LILRA1: variants seen among roughly 807,000 people sequenced by gnomAD.
LILRA1 encodes leukocyte immunoglobulin-like receptor subfamily A member 1.
Under a neutral mutation model 51.6 loss-of-function variants are expected in LILRA1, and 51 were observed. That is an observed-to-expected ratio of 0.99 (90% CI 0.79 to 1.25). The LOEUF (loss-of-function observed/expected upper bound fraction) is 1.25. Among genes scored for constraint, LILRA1 ranks in the 50% most tolerant of loss-of-function variants. The pLI is 0.00. For synonymous variants in LILRA1, 305 were observed against 248.4 expected (o/e 1.23, Z -2.14); for missense variants, 660 against 611.7 (o/e 1.08, Z -0.83).
rs1405820465 is a variant in LILRA1 at position 54,601,349 on chromosome 19, G to A, written c.*532G>A. 2.3e-5 allele frequency: 4 copies of A among 175,320 alleles called. No homozygotes were observed. The highest frequency in any genetic ancestry group is 2.4e-5 in the Non-Finnish European group (2 of 81,906). 10.9% of individuals were successfully genotyped at this position (175,320 alleles called of 1,614,324 possible). ...CCCTGACACCCTCTCTGAACCCTAC[G>A]AGCCCTTCCCTCCTTCTCACATGCT... On this transcript the variant is annotated 3_prime_UTR_variant, in exon 10 of 10. Transcript: ENST00000251372.
In LILRA1 at chr19:54,594,697, C is replaced by T. The variant is rs1396541564; in HGVS notation, c.103C>T (p.Pro35Ser). The change falls in exon 4 of 10, where the codon CCA becomes TCA. Residue 35 changes from proline (P) to serine (S), a missense_variant. By Grantham distance (74) the Pro-to-Ser change is moderately conservative. Transcript: ENST00000251372. The stretch of plus-strand genomic sequence containing the variant: ...CCCCAAGCCCACACTCTGGGCTGAG[C>T]CAGGCTCTGTGATCACCCAGGGGAG... Reference protein sequence around the residue: ...TLPKPTLWAEPGSVITQGSPV... With the variant: ...TLPKPTLWAESGSVITQGSPV... 4 of 1,613,470 alleles carry T rather than the reference C, an allele frequency of 2.5e-6. No individual in the cohort carries two copies. The African/African-American group carries it at 4.0e-5, about 16-fold the overall frequency.
intron 3 of LILRA1, 71 bp downstream of exon 3, chr19:54,594,547 G>A (rs2062980628): frequency 1.2e-6 from 2 of 1,613,794 alleles, no homozygotes; most frequent in Non-Finnish European, 8.5e-7. Flanking sequence ...CGTGCAGCTG[G>A]GGATGGGGAA....
At chr19:54,596,603 T>C (rs960222306) in intron 7 of LILRA1, 112 bp downstream of exon 7, 200 of 1,457,590 alleles carry the variant, frequency 1.4e-4, no homozygotes, top group Non-Finnish European at 1.8e-4. Flanking sequence ...CACGGTGGCT[T>C]ACACCTGTAA....
intron 7 of LILRA1, among the ~76,000 whole-genome samples, chr19:54,596,862 A>G (rs1480240395): frequency 6.6e-6 from 1 of 151,750 alleles, no homozygotes; most frequent in Non-Finnish European, 1.5e-5. Context: ...GCGAGACTCC[A>G]TCTCAAAAAA....
chr19:54,595,129 C>A lies in LILRA1; in HGVS notation c.388C>A (p.Leu130Ile), dbSNP rs370524319. 204 of 1,613,950 alleles carry A rather than the reference C, an allele frequency of 1.3e-4. No individual in the cohort carries two copies. The Middle Eastern group carries it at 2.3e-3, about 18-fold the overall frequency. The change falls in exon 5 of 10, where the codon CTA becomes ATA. Residue 130 changes from leucine to isoleucine, a missense_variant. By Grantham distance (5) the Leu-to-Ile change is conservative (BLOSUM62 2). Transcript: ENST00000251372. ...CTACATCAAACCCACCCTCTCAGCT[C>A]TACCCAGCCCTGTGGTGACCTCAGG... is the stretch of plus-strand genomic sequence containing the variant. ...GAYIKPTLSA[L>I]PSPVVTSGGN... is the part of the protein sequence containing the mutation.
Position 54,594,934 on chromosome 19 carries a change from C to A in LILRA1, c.340C>A (p.Leu114Met). 6.2e-7 allele frequency: 1 copy of A among 1,614,054 alleles called. No homozygotes were observed. Among genetic ancestry groups the A allele is most frequent in the Non-Finnish European group, 8.5e-7 (1 of 1,179,946 alleles). The stretch of plus-strand genomic sequence containing the variant: ...AGGCTGGTCAGAGCCCAGTGACCCC[C>A]TGGAGCTGGTGGTGACAGGTGAGCT... ...TAGWSEPSDP[L>M]ELVVTGAYIK... Residue 114 changes from leucine to methionine, a missense_variant, in exon 4 of 10, where the codon CTG becomes ATG. Coordinates refer to ENST00000251372, the MANE Select transcript of LILRA1 (RefSeq NM_006863.4).
chr19:54,595,913 C>G lies in LILRA1; in HGVS notation c.936C>G (p.Asp312Glu). The G allele has an allele frequency of 1.2e-6, 2 of 1,613,068 alleles. No homozygotes were observed. The highest frequency in any genetic ancestry group is 1.7e-6 in the Non-Finnish European group (2 of 1,179,940). Residue 312 changes from aspartate to glutamate, a missense_variant, in exon 6 of 10, where the codon GAC becomes GAG. Physicochemically the swap from Asp to Glu is conservative, Grantham distance 45. Coordinates refer to ENST00000251372, the MANE Select transcript of LILRA1 (RefSeq NM_006863.4). ...NLSSEWSAPS[D>E]PLDILIAGQF... Reference sequence around the variant, plus strand: ...CCTCCGAGTGGTCGGCCCCCAGCGACCCCCTGGACATCCTGATCGCAGGTG... The same window carrying G: ...CCTCCGAGTGGTCGGCCCCCAGCGAGCCCCTGGACATCCTGATCGCAGGTG...
At position 54,596,433 on chromosome 19, in the gene LILRA1, C is replaced by G; in HGVS notation, c.1203C>G (p.Leu401=). The G allele has an allele frequency of 6.2e-7, 1 of 1,614,190 alleles. No individual in the cohort carries two copies. Among genetic ancestry groups the G allele is most frequent in the Non-Finnish European group, 8.5e-7 (1 of 1,180,030 alleles). ...GGACCTACAGGTGCTACGGCTCACT[C>G]AGCTCCAACCCCTACCTGCTGTCTC... ...HSGTYRCYGS[L]SSNPYLLSHP... The change falls in exon 7 of 10, where the codon CTC becomes CTG. Residue 401 remains leucine, a synonymous_variant. Coordinates refer to ENST00000251372, the MANE Select transcript of LILRA1 (RefSeq NM_006863.4).
intron 8 of LILRA1, among the ~76,000 whole-genome samples, chr19:54,600,215 C>A (rs1431624852): frequency 6.6e-6 from 1 of 152,124 alleles, no homozygotes; most frequent in Non-Finnish European, 1.5e-5. Flanking sequence ...GCTCCTGTGT[C>A]CCTGGCTGCA....
intron 8 of LILRA1, among the ~76,000 whole-genome samples, chr19:54,600,037 C>T (rs2063136516): frequency 6.6e-6 from 1 of 152,022 alleles, no homozygotes; most frequent in African/African-American, 2.4e-5. Context: ...AAGATGAAAC[C>T]CCAGGTGAAC....
chr19:54,596,924 G>A (rs75428314), intron 7 of LILRA1, among the ~76,000 whole-genome samples: 5 of 149,268 alleles, frequency 3.3e-5, no homozygotes, highest in African/African-American at 4.9e-5. Context: ...GGGGAGGGTC[G>A]AGCCCATGGG....
In LILRA1 at chr19:54,600,781, G is replaced by C. The variant is rs137858093; in HGVS notation, c.1434G>C (p.Leu478=). The change falls in exon 10 of 10, where the codon CTG becomes CTC. Residue 478 remains leucine, a synonymous_variant. Coordinates refer to ENST00000251372, the MANE Select transcript of LILRA1 (RefSeq NM_006863.4). Reference sequence around the variant, plus strand: ...TGGTCCTGGTGGTCCTCGGGATTCTGCTATTTGAGGCTCAGCACAGCCAGA... The same window carrying C: ...TGGTCCTGGTGGTCCTCGGGATTCTCCTATTTGAGGCTCAGCACAGCCAGA... ...AGLVLVVLGI[L]LFEAQHSQRS... is the part of the protein sequence containing the mutation. 3.6e-4 allele frequency: 582 copies of C among 1,614,128 alleles called. 3 individuals carry two copies. The African/African-American group carries it at 6.9e-3, about 19-fold the overall frequency.
rs1555784931 is a variant in LILRA1, at chr19:54,594,743, A to C, written c.149A>C (p.Gln50Pro). 8.1e-6 allele frequency: 13 copies of C among 1,614,092 alleles called. No homozygotes were observed. The Admixed American group carries it at 1.8e-4, about 23-fold the overall frequency. Reference sequence around the variant, plus strand: ...GGGAGTCCCGTGACCCTCTGGTGTCAGGGGATCCTGGAGACCCAGGAGTAC... The same window carrying C: ...GGGAGTCCCGTGACCCTCTGGTGTCCGGGGATCCTGGAGACCCAGGAGTAC... ...TQGSPVTLWC[Q>P]GILETQEYRL... Residue 50 changes from glutamine to proline, a missense_variant, in exon 4 of 10, where the codon CAG (glutamine) becomes CCG (proline). By Grantham distance (76) the Gln-to-Pro change is moderately conservative. Coordinates refer to ENST00000251372, the MANE Select transcript of LILRA1 (RefSeq NM_006863.4).
chr19:54,599,470 A>G lies in LILRA1; in HGVS notation c.1312+184A>G, dbSNP rs150811551. 1.4e-5 allele frequency: 17 copies of G among 1,254,048 alleles called. No homozygotes were observed. The Admixed American group carries it at 4.4e-4, about 32-fold the overall frequency. 77.7% of individuals were successfully genotyped at this position (1,254,048 alleles called of 1,614,324 possible). On this transcript the variant is annotated intron_variant, in intron 8 of 9. Transcript: ENST00000251372. ...TTCCTTTACATTTTTAAAATAAGAG[A>G]TAACTATCCATGAGAAAGCTACTGC...
rs2063163289 is a variant in LILRA1, at chr19:54,601,687, C to T, written c.*870C>T. 1.3e-5 allele frequency: 2 copies of T among 152,374 alleles called. No individual in the cohort carries two copies. The highest frequency in any genetic ancestry group is 1.9e-4 in the East Asian group (1 of 5,192). The allele number at this position is 152,374 out of a possible 1,614,324, so 9.4% of individuals were successfully genotyped here. On this transcript the variant is annotated 3_prime_UTR_variant, in exon 10 of 10. Transcript: ENST00000251372. ...ATCCACGAAAGGAAAATCACGGAAG[C>T]AGGATAGAAATCCAGCTGCAGACAA...
chr19:54,595,687 C>T lies in LILRA1; in HGVS notation c.710C>T (p.Ala237Val), dbSNP rs1419778295. 1.9e-6 allele frequency: 3 copies of T among 1,614,000 alleles called. No individual in the cohort carries two copies. The highest frequency in any genetic ancestry group is 2.2e-5 in the South Asian group (2 of 91,082). The change falls in exon 6 of 10, where the codon GCC (alanine) becomes GTC (valine). Residue 237 changes from alanine (A) to valine (V), a missense_variant. Ala to Val is a moderately conservative substitution (Grantham distance 64, BLOSUM62 0). Coordinates refer to ENST00000251372, the MANE Select transcript of LILRA1 (RefSeq NM_006863.4). ...TCAGTGCAGCCAGGTCCTATAGTGGCCCCTGGGGAGAGCCTGACCCTCCAG... is the reference window on the plus strand; with the variant it reads ...TCAGTGCAGCCAGGTCCTATAGTGGTCCCTGGGGAGAGCCTGACCCTCCAG... ...SLSVQPGPIV[A>V]PGESLTLQCV...
chr19:54,595,642 T>C lies in LILRA1; in HGVS notation c.665T>C (p.Val222Ala). The C allele has an allele frequency of 6.2e-7, 1 of 1,605,110 alleles. No individual in the cohort carries two copies. Among genetic ancestry groups the C allele is most frequent in the Non-Finnish European group, 8.5e-7 (1 of 1,173,854 alleles). The change falls in exon 6 of 10, where the codon GTT (valine) becomes GCT (alanine). Residue 222 changes from valine to alanine, a missense_variant. Transcript: ENST00000251372. ...AACCATGAGCACCTTTTCCCAGGTG[T>C]TTCTAAGAAGCCATCACTCTCAGTG... ...SDLLELLVLGVSKKPSLSVQP... is the reference protein window; with the variant it reads ...SDLLELLVLGASKKPSLSVQP...
chr19:54,596,919 G>C (rs561983202), intron 7 of LILRA1, among the ~76,000 whole-genome samples: 14 of 152,150 alleles, frequency 9.2e-5, no homozygotes, highest in African/African-American at 2.6e-4. Flanking sequence ...CTGCGGGGGA[G>C]GGTCGAGCCC....
At position 54,599,547 on chromosome 19, in the gene LILRA1, TCTAA is replaced by T; in HGVS notation, c.1312+264_1312+267del. The stretch of plus-strand genomic sequence containing the variant: ...CTAACTCACTACTAAATTGCTCTGT[TCTAA>T]CTGCTTTTCAATGGATCTCCTCTAA... On this transcript the variant is annotated intron_variant, in intron 8 of 9. Transcript: ENST00000251372. The T allele has an allele frequency of 2.6e-6, 3 of 1,157,304 alleles. No individual in the cohort carries two copies. In the South Asian group the frequency reaches 5.1e-5, roughly 20 times the overall value. The allele number at this position is 1,157,304 out of a possible 1,614,324, so 71.7% of individuals were successfully genotyped here. A position where few individuals can be genotyped will look rare whatever the true frequency, so the allele number is the denominator to read the frequency against.
Sources: gnomAD v4.1 joint callset for allele counts (sites outside exome capture counted in the v4.1 genomes callset) on GRCh38, gnomAD v4.1.1 for gene constraint, MANE v1.5 for transcripts, NCBI Gene and HGNC (gene_info 2026-07-23, HGNC 2026-07-21) for gene names.